The following CCDC18 variants were observed in gnomAD, a reference collection of about 807,000 sequenced individuals.
The protein encoded by CCDC18 is coiled-coil domain containing 18, also known as coiled-coil domain-containing protein 18.
In CCDC18, 157 loss-of-function variants were observed where a neutral mutation model predicts 196.0. The ratio of observed to expected loss-of-function variants is 0.80; its 90% CI spans 0.70 to 0.91. CCDC18 has a LOEUF of 0.91. Among genes scored for constraint, CCDC18 ranks in the 40% least tolerant of loss-of-function variants. CCDC18 has a pLI of 0.00. For missense variants in CCDC18, 1,465 were observed against 1,611.6 expected (o/e 0.91, Z 1.56); for synonymous variants, 482 against 529.2 (o/e 0.91, Z 1.22).
intron 26 of CCDC18, chr1:93,262,118 A>G (rs1055376105): frequency 2.0e-5 from 3 of 152,136 alleles, no homozygotes; most frequent in Non-Finnish European, 2.9e-5. Flanking sequence ...CCATGATCCA[A>G]TCAGCTCCCA....
At chr1:93,225,135 ATTTCT>A (rs1303175224) in intron 16 of CCDC18, among the ~76,000 whole-genome samples, 2 of 152,162 alleles carry the variant, frequency 1.3e-5, no homozygotes, top group East Asian at 3.8e-4. Flanking sequence ...GAAATCTAAG[ATTTCT>A]TTCACTTTTT....
At chr1:93,264,580 A>T in intron 26 of CCDC18, 121 bp from the exon 27 acceptor site, 1 of 598,844 alleles carries the variant, frequency 1.7e-6, no homozygotes, top group East Asian at 2.9e-5. Flanking sequence ...TTGTAACTAT[A>T]AACAGAATTT....
At position 93,210,952 on chromosome 1, in the gene CCDC18, T is replaced by C. The variant is rs1306137426; in HGVS notation, c.1334+26T>C. 9 of 1,611,692 alleles carry C rather than the reference T, an allele frequency of 5.6e-6. No individual in the cohort carries two copies. In the African/African-American group the frequency reaches 6.7e-5, roughly 12 times the overall value. ...GTACAATTTTCAGATTCTGCAGTTA[T>C]AGCAAATAGAATGTTTTTTATTGGT... On this transcript the variant is annotated intron_variant, in intron 10 of 28. Coordinates refer to ENST00000690025, the MANE Select transcript of CCDC18 (RefSeq NM_001378204.1).
chr1:93,250,130 G>T (rs1662034032), intron 23 of CCDC18, among the ~76,000 whole-genome samples: 1 of 151,584 alleles, frequency 6.6e-6, no homozygotes, highest in Non-Finnish European at 1.5e-5. Flanking sequence ...TTATTTTGTG[G>T]CCTAACATAT....
chr1:93,211,293 A>G (rs1655609551), intron 10 of CCDC18, among the ~76,000 whole-genome samples: 1 of 135,752 alleles, frequency 7.4e-6, no homozygotes, highest in Non-Finnish European at 1.6e-5. Flanking sequence ...AAAAAAAAAG[A>G]CCCTTAATTG....
At chr1:93,179,913 G>A, upstream of CCDC18, 1 of 895,774 alleles carries the variant, frequency 1.1e-6, no homozygotes, top group Non-Finnish European at 1.6e-6. Context: ...TCGCGCGCCT[G>A]CGCGGAGCGG....
intron 10 of CCDC18, 74 bp downstream of exon 10, chr1:93,211,000 G>A: frequency 6.7e-7 from 1 of 1,494,434 alleles, no homozygotes; most frequent in African/African-American, 1.4e-5. Flanking sequence ...TAATTGGCCG[G>A]GCATGGTGGC....
chr1:93,205,487 G>A (rs1654571558), intron 7 of CCDC18, 23 bp from the exon 8 acceptor site: 2 of 1,561,608 alleles, frequency 1.3e-6, no homozygotes, highest in African/African-American at 2.8e-5. Context: ...ACATTAGTAT[G>A]TCCACTTAAA....
chr1:93,258,023 T>C (rs1663247827), intron 25 of CCDC18, among the ~76,000 whole-genome samples: 2 of 151,436 alleles, frequency 1.3e-5, no homozygotes, highest in South Asian at 2.1e-4. Flanking sequence ...AATTCTGCTT[T>C]CTTTAAAGTG....
chr1:93,248,271 C>A (rs917810743), intron 23 of CCDC18, among the ~76,000 whole-genome samples: 14 of 152,086 alleles, frequency 9.2e-5, no homozygotes, highest in African/African-American at 3.4e-4. Context: ...ACCTCAGCCT[C>A]CCAAAGTGCT....
chr1:93,180,002 ACG>A, upstream of CCDC18: 2 of 1,560,176 alleles, frequency 1.3e-6, no homozygotes, highest in South Asian at 2.3e-5. Context: ...AGAGGCGACA[ACG>A]CAGTGCAGCT....
intron 8 of CCDC18, among the ~76,000 whole-genome samples, chr1:93,206,124 AC>A (rs5776173): frequency 0.53 from 79,880 of 151,696 alleles, 24,209 homozygotes; most frequent in South Asian, 0.68. Context: ...CAAAACTAAC[AC>A]CCATCAACTT....
At chr1:93,265,970 C>A (rs1359848357) in intron 27 of CCDC18, among the ~76,000 whole-genome samples, 1 of 152,202 alleles carries the variant, frequency 6.6e-6, no homozygotes, top group Non-Finnish European at 1.5e-5. Context: ...GAACTCTCCA[C>A]TGCAAATCAA....
At chr1:93,233,744 A>T (rs558433834) in intron 18 of CCDC18, among the ~76,000 whole-genome samples, 67 of 152,208 alleles carry the variant, frequency 4.4e-4, no homozygotes, top group African/African-American at 1.6e-3. Flanking sequence ...GATTACAGGC[A>T]TGTGCCACCA....
At chr1:93,264,667 AT>A (rs746113534) in intron 26 of CCDC18, 33 bp from the exon 27 acceptor site, 27 of 1,319,752 alleles carry the variant, frequency 2.0e-5, no homozygotes, top group African/African-American at 3.0e-5. Flanking sequence ...CCATTTTTTT[AT>A]TTTTTTTCTT....
Position 93,276,866 on chromosome 1 carries a change from CA to C in CCDC18, c.4354-1594del, listed in dbSNP as rs533664642. 5.2e-3 allele frequency among the ~76,000 whole-genome samples: 782 copies of C among 150,426 alleles called. 5 individuals are homozygous for C. Among genetic ancestry groups the C allele is most frequent in the Non-Finnish European group, 7.9e-3 (533 of 67,790 alleles). ...TTTGGAAAAGAAAAAGACACAGAGA[CA>C]AAGTATAGAGAAAGAAATAAGGGGA... On this transcript the variant is annotated intron_variant, in intron 28 of 28. Transcript: ENST00000690025.
intron 16 of CCDC18, among the ~76,000 whole-genome samples, chr1:93,224,201 C>G (rs534654451): frequency 1.6e-3 from 249 of 152,236 alleles, no homozygotes; most frequent in Admixed American, 5.4e-3. Context: ...CTTTATCTCT[C>G]TCTACACATA....
At chr1:93,257,972 C>T (rs1163178564) in intron 25 of CCDC18, among the ~76,000 whole-genome samples, 3 of 151,722 alleles carry the variant, frequency 2.0e-5, no homozygotes, top group Non-Finnish European at 4.4e-5. Flanking sequence ...AGACTCCTAC[C>T]TGGTCTTTCA....
At chr1:93,258,014 A>G (rs1488878272) in intron 25 of CCDC18, among the ~76,000 whole-genome samples, 1 of 151,606 alleles carries the variant, frequency 6.6e-6, no homozygotes, top group Non-Finnish European at 1.5e-5. Flanking sequence ...ATAGTTTCCA[A>G]TTCTGCTTTC....
Sources: allele counts gnomAD v4.1 joint callset (sites outside exome capture counted in the v4.1 genomes callset), GRCh38; gene constraint gnomAD v4.1.1; transcripts MANE v1.5; gene names NCBI Gene and HGNC (gene_info 2026-07-23, HGNC 2026-07-21).